ADAMTSL3: variants seen among roughly 807,000 people sequenced by gnomAD.
ADAMTSL3 encodes ADAMTS like 3.
In ADAMTSL3, 128 loss-of-function variants were observed where a neutral mutation model predicts 201.7. The observed-to-expected ratio is 0.63, with a 90% CI of 0.55 to 0.73. The LOEUF (loss-of-function observed/expected upper bound fraction) is 0.73. ADAMTSL3 is among the 30% of genes least tolerant of loss of function. The pLI, the probability that ADAMTSL3 is intolerant of heterozygous loss-of-function variation, is 0.00. For synonymous variants in ADAMTSL3, 738 were observed against 748.4 expected (o/e 0.99, Z 0.23); for missense variants, 1,990 against 2,119.6 (o/e 0.94, Z 1.20).
intron 7 of ADAMTSL3, among the ~76,000 whole-genome samples, chr15:83,844,817 T>C (rs1374098907): frequency 2.0e-5 from 3 of 152,196 alleles, no homozygotes; most frequent in Non-Finnish European, 4.4e-5. Context: ...AGGAATGTCA[T>C]AGATTGTATT....
chr15:83,797,243 G>A (rs927487815), intron 4 of ADAMTSL3, among the ~76,000 whole-genome samples: 4 of 152,108 alleles, frequency 2.6e-5, no homozygotes, highest in Non-Finnish European at 5.9e-5. Flanking sequence ...ATATGAACAG[G>A]AAATTCATAG....
chr15:83,737,676 A>T (rs933666928), intron 3 of ADAMTSL3, among the ~76,000 whole-genome samples: 2 of 152,200 alleles, frequency 1.3e-5, no homozygotes, highest in African/African-American at 4.8e-5. Context: ...AAACAATTGA[A>T]GAAAACCTCG....
chr15:83,789,099 C>CCACA (rs1023551743), intron 4 of ADAMTSL3, among the ~76,000 whole-genome samples: 57 of 152,328 alleles, frequency 3.7e-4, no homozygotes, highest in African/African-American at 1.4e-3. Flanking sequence ...GCATGAGCCA[C>CCACA]CACACCCAGC....
chr15:83,820,459 CG>C (rs891977204), intron 6 of ADAMTSL3, among the ~76,000 whole-genome samples: 3 of 152,242 alleles, frequency 2.0e-5, no homozygotes, highest in Admixed American at 1.3e-4. Context: ...GCTCATCCCC[CG>C]GAGTTTCTGA....
chr15:83,720,830 C>T (rs1355953100), intron 3 of ADAMTSL3, among the ~76,000 whole-genome samples: 2 of 152,208 alleles, frequency 1.3e-5, no homozygotes, highest in Non-Finnish European at 2.9e-5. Context: ...AATAAATGTC[C>T]CCAATTCAAC....
At chr15:83,678,019 AC>A (rs2141414100) in intron 2 of ADAMTSL3, among the ~76,000 whole-genome samples, 2 of 151,896 alleles carry the variant, frequency 1.3e-5, no homozygotes, top group African/African-American at 4.8e-5. Flanking sequence ...GTCTACTGAT[AC>A]CAACTTTACC....
chr15:83,837,897 C>T (rs1450865383), intron 6 of ADAMTSL3, among the ~76,000 whole-genome samples, 192 bp from the exon 7 acceptor site: 1 of 151,796 alleles, frequency 6.6e-6, no homozygotes, highest in Non-Finnish European at 1.5e-5. Flanking sequence ...ATATTTCGGC[C>T]TTACATTAGA....
chr15:83,832,148 G>C (rs547205639), intron 6 of ADAMTSL3, among the ~76,000 whole-genome samples: 26 of 152,162 alleles, frequency 1.7e-4, no homozygotes, highest in Non-Finnish European at 3.4e-4. Flanking sequence ...GGCCTCAATT[G>C]AGTGAAATAT....
intron 2 of ADAMTSL3, among the ~76,000 whole-genome samples, chr15:83,685,412 C>A (rs568973732): frequency 6.6e-6 from 1 of 152,108 alleles, no homozygotes; most frequent in Non-Finnish European, 1.5e-5. Context: ...GTGCCTGGGG[C>A]AGTGTGTGAC....
intron 3 of ADAMTSL3, among the ~76,000 whole-genome samples, chr15:83,750,772 G>A (rs4843154): frequency 6.6e-6 from 1 of 151,836 alleles, no homozygotes; most frequent in African/African-American, 2.4e-5. Context: ...GGATGGTCTC[G>A]ATCTCTTGAC....
chr15:83,656,432 G>T (rs2061084746), intron 2 of ADAMTSL3, among the ~76,000 whole-genome samples: 1 of 152,224 alleles, frequency 6.6e-6, no homozygotes, highest in Non-Finnish European at 1.5e-5. Flanking sequence ...CAGAACGCGT[G>T]CTCCATCTAT....
At chr15:83,678,519 C>T (rs2061435617) in intron 2 of ADAMTSL3, among the ~76,000 whole-genome samples, 1 of 150,906 alleles carries the variant, frequency 6.6e-6, no homozygotes, top group Admixed American at 6.6e-5. Flanking sequence ...TTGTTTTTTT[C>T]CTGTAGGTAA....
chr15:83,806,752 G>T (rs796632576), intron 5 of ADAMTSL3, among the ~76,000 whole-genome samples: 8 of 152,188 alleles, frequency 5.3e-5, no homozygotes, highest in African/African-American at 1.9e-4. Flanking sequence ...TACTTGGGAG[G>T]TGAGGCAGGA....
chr15:83,980,363 A>C (rs1055620872), intron 20 of ADAMTSL3, among the ~76,000 whole-genome samples: 5 of 152,126 alleles, frequency 3.3e-5, no homozygotes, highest in Non-Finnish European at 7.3e-5. Flanking sequence ...CCTTGCTGTG[A>C]AGATTTAGTA....
intron 3 of ADAMTSL3, among the ~76,000 whole-genome samples, chr15:83,754,697 A>G (rs2062690983): frequency 6.6e-6 from 1 of 152,206 alleles, no homozygotes; most frequent in South Asian, 2.1e-4. Context: ...TAGAAATGCC[A>G]TTACATGATG....
At chr15:83,973,077 G>A (rs1215717118) in intron 20 of ADAMTSL3, among the ~76,000 whole-genome samples, 1 of 152,008 alleles carries the variant, frequency 6.6e-6, no homozygotes. Flanking sequence ...TCTCTCCAAC[G>A]TTTCCTAACA....
chr15:83,875,804 A>G (rs1773280816), intron 9 of ADAMTSL3, among the ~76,000 whole-genome samples: 1 of 152,026 alleles, frequency 6.6e-6, no homozygotes, highest in Admixed American at 6.5e-5. Context: ...AAAATAAAAT[A>G]AATAAAAAAA....
intron 6 of ADAMTSL3, among the ~76,000 whole-genome samples, chr15:83,820,382 A>T (rs755347340): frequency 6.6e-6 from 1 of 152,124 alleles, no homozygotes; most frequent in Non-Finnish European, 1.5e-5. Flanking sequence ...CGGGCCATCG[A>T]TTAGTGATTC....
At chr15:83,927,323 G>T (rs533334242) in intron 17 of ADAMTSL3, among the ~76,000 whole-genome samples, 1 of 152,002 alleles carries the variant, frequency 6.6e-6, no homozygotes, top group South Asian at 2.1e-4. Context: ...TGCCATGTTG[G>T]CCAGGCCGAT....
Sources: allele counts gnomAD v4.1 joint callset (sites outside exome capture counted in the v4.1 genomes callset), GRCh38; gene constraint gnomAD v4.1.1; transcripts MANE v1.5; gene names NCBI Gene and HGNC (gene_info 2026-07-23, HGNC 2026-07-21).